The following DIAPH3 variants were observed in gnomAD, a reference collection of about 807,000 sequenced individuals.
The protein encoded by DIAPH3 is protein diaphanous homolog 3.
Under a neutral mutation model 144.3 loss-of-function variants are expected in DIAPH3, and 117 were observed. The observed-to-expected ratio is 0.81, with a 90% CI of 0.70 to 0.95. The LOEUF (loss-of-function observed/expected upper bound fraction) is 0.95. DIAPH3 is among the 40% of genes least tolerant of loss of function. The pLI, the probability that DIAPH3 is intolerant of heterozygous loss-of-function variation, is 0.00. For synonymous variants in DIAPH3, 519 were observed against 488.9 expected, an observed-to-expected ratio of 1.06 and a Z score of -0.81; for missense variants, 1,421 against 1,412.7, an observed-to-expected ratio of 1.01 and a Z score of -0.09.
chr13:59,980,829 T>A lies in DIAPH3; in HGVS notation c.1511A>T (p.Glu504Val). 1.2e-6 allele frequency: 2 copies of A among 1,609,664 alleles called. No homozygotes were observed. The highest frequency in any genetic ancestry group is 1.7e-6 in the Non-Finnish European group (2 of 1,177,286). The stretch of plus-strand genomic sequence containing the variant: ...AAGTTCTGATGCTTTCTCTTCAAAC[T>A]CTTCTAGTTTTGCTTGATCTATGCA... ...DICIDQAKLE[E>V]FEEKASELYK... is the part of the protein sequence containing the mutation. The change falls in exon 14 of 28, where the codon GAG (glutamate) becomes GTG (valine). Residue 504 changes from glutamate (E) to valine (V), a missense_variant. Glu to Val is a moderately radical substitution (Grantham distance 121). Coordinates refer to ENST00000400324, the MANE Select transcript of DIAPH3 (RefSeq NM_001042517.2).
At chr13:60,138,445 G>A (rs1005896897) in intron 1 of DIAPH3, among the ~76,000 whole-genome samples, 1 of 152,176 alleles carries the variant, frequency 6.6e-6, no homozygotes, top group Non-Finnish European at 1.5e-5. Flanking sequence ...CACATGAAGG[G>A]TATAGATAAG....
intron 17 of DIAPH3, among the ~76,000 whole-genome samples, chr13:59,955,339 T>C (rs1279373298): frequency 1.3e-5 from 2 of 151,996 alleles, no homozygotes; most frequent in African/African-American, 4.8e-5. Context: ...ATAAGTTTCA[T>C]GAGAGCTGAT....
At chr13:59,989,754 C>G (rs1009453857) in intron 12 of DIAPH3, among the ~76,000 whole-genome samples, 1 of 151,864 alleles carries the variant, frequency 6.6e-6, no homozygotes, top group African/African-American at 2.4e-5. Context: ...TGTTTTGAAG[C>G]TAGATACAAC....
chr13:60,035,758 C>T (rs1313394207), intron 5 of DIAPH3, among the ~76,000 whole-genome samples: 2 of 152,078 alleles, frequency 1.3e-5, no homozygotes, highest in African/African-American at 2.4e-5. Context: ...TATTAATAAC[C>T]TACCTAATAC....
chr13:59,830,064 A>C (rs1018954658), intron 24 of DIAPH3, among the ~76,000 whole-genome samples: 15 of 151,928 alleles, frequency 9.9e-5, no homozygotes, highest in Non-Finnish European at 1.8e-4. Context: ...TCTTCAACAA[A>C]TAAAACTCTA....
At chr13:59,799,375 G>GCACACACACA (rs56979042) in intron 25 of DIAPH3, among the ~76,000 whole-genome samples, 48 of 139,364 alleles carry the variant, frequency 3.4e-4, no homozygotes, top group Admixed American at 5.0e-4. Flanking sequence ...CTGGAAATAT[G>GCACACACACA]CACACACACA....
chr13:59,870,890 G>A (rs578024366), intron 21 of DIAPH3, among the ~76,000 whole-genome samples: 4 of 151,348 alleles, frequency 2.6e-5, no homozygotes, highest in Non-Finnish European at 5.9e-5. Context: ...AGCTGGTCTT[G>A]AACTCCCGAC....
At chr13:59,852,839 A>T (rs553637909) in intron 22 of DIAPH3, among the ~76,000 whole-genome samples, 1 of 152,296 alleles carries the variant, frequency 6.6e-6, no homozygotes, top group Non-Finnish European at 1.5e-5. Flanking sequence ...TTCTATACTA[A>T]CACATTATTC....
At chr13:59,846,891 C>G (rs1311984345) in intron 22 of DIAPH3, among the ~76,000 whole-genome samples, 1 of 152,102 alleles carries the variant, frequency 6.6e-6, no homozygotes, top group South Asian at 2.1e-4. Flanking sequence ...GACTGGGCAA[C>G]ACAGTGAAAC....
At chr13:59,668,813 A>G (rs2032176098) in intron 27 of DIAPH3, among the ~76,000 whole-genome samples, 1 of 146,910 alleles carries the variant, frequency 6.8e-6, no homozygotes, top group Admixed American at 7.0e-5. Flanking sequence ...TATTAAAACT[A>G]TATATATACA....
chr13:59,873,681 T>C (rs1294733228), intron 21 of DIAPH3, among the ~76,000 whole-genome samples: 5 of 149,764 alleles, frequency 3.3e-5, no homozygotes, highest in East Asian at 3.9e-4. Flanking sequence ...CTTTTTCTTT[T>C]TTTTTTTTTT....
At chr13:59,696,380 G>T (rs2033801975) in intron 27 of DIAPH3, among the ~76,000 whole-genome samples, 1 of 152,200 alleles carries the variant, frequency 6.6e-6, no homozygotes, top group Admixed American at 6.5e-5. Context: ...TACAGTATAA[G>T]AACATGTGGA....
At chr13:59,998,850 C>T (rs1385208789) in intron 9 of DIAPH3, among the ~76,000 whole-genome samples, 2 of 152,024 alleles carry the variant, frequency 1.3e-5, no homozygotes, top group African/African-American at 4.8e-5. Context: ...CATTTGCATC[C>T]TTCCGGGATA....
intron 22 of DIAPH3, among the ~76,000 whole-genome samples, chr13:59,858,335 T>C (rs2043374630): frequency 6.6e-6 from 1 of 152,046 alleles, no homozygotes; most frequent in African/African-American, 2.4e-5. Context: ...TGAGACAGAT[T>C]GGGTTTCACT....
intron 4 of DIAPH3, among the ~76,000 whole-genome samples, chr13:60,062,011 C>T (rs1269615741): frequency 6.6e-6 from 1 of 152,094 alleles, no homozygotes; most frequent in African/African-American, 2.4e-5. Flanking sequence ...CCTCTTCTAA[C>T]CCCCTCGGCA....
At chr13:60,161,893 TAGC>T (rs1158345057) in intron 1 of DIAPH3, among the ~76,000 whole-genome samples, 1 of 152,160 alleles carries the variant, frequency 6.6e-6, no homozygotes, top group African/African-American at 2.4e-5. Flanking sequence ...TTCAGAAAAG[TAGC>T]AGATTAGACA....
At chr13:60,145,988 T>C (rs1951496499) in intron 1 of DIAPH3, among the ~76,000 whole-genome samples, 1 of 152,200 alleles carries the variant, frequency 6.6e-6, no homozygotes, top group South Asian at 2.1e-4. Flanking sequence ...ATTGATAAAG[T>C]TTGAACTTAT....
rs189385796 is a variant in DIAPH3 at position 59,958,095 on chromosome 13, G to A, written c.2074+11849C>T. On this transcript the variant is annotated intron_variant, in intron 17 of 27. Transcript: ENST00000400324. ...AATTGCTTATTTTGTGTGAAATGTC[G>A]CTGCAATAGATCTTTTGATAAATGT... is the stretch of plus-strand genomic sequence containing the variant. Among the ~76,000 whole-genome samples the A allele has an allele frequency of 1.8e-4, 28 of 152,228 alleles. 1 individual carries two copies. The South Asian group carries it at 3.3e-3, about 18-fold the overall frequency.
intron 27 of DIAPH3, among the ~76,000 whole-genome samples, chr13:59,722,610 G>C (rs1051209692): frequency 1.3e-5 from 2 of 152,196 alleles, no homozygotes; most frequent in African/African-American, 4.8e-5. Flanking sequence ...CTAGTCACTA[G>C]CTGTGTAGTA....
Sources: gnomAD v4.1 joint callset for allele counts (sites outside exome capture counted in the v4.1 genomes callset) on GRCh38, gnomAD v4.1.1 for gene constraint, MANE v1.5 for transcripts, NCBI Gene and HGNC (gene_info 2026-07-23, HGNC 2026-07-21) for gene names.